The following MAP7D1 variants were observed in gnomAD, a reference collection of about 807,000 sequenced individuals.
MAP7D1 encodes the protein MAP7 domain containing 1, also known as MAP7 domain-containing protein 1.
Under a neutral mutation model 97.5 loss-of-function variants are expected in MAP7D1, and 30 were observed. The observed-to-expected ratio is 0.31, with a 90% confidence interval of 0.23 to 0.42. The LOEUF (loss-of-function observed/expected upper bound fraction) is 0.42. MAP7D1 is among the 10% of genes least tolerant of loss of function. The pLI, the probability that MAP7D1 is intolerant of heterozygous loss-of-function variation, is 1.00. For synonymous variants in MAP7D1, 536 were observed against 477.1 expected, an observed-to-expected ratio of 1.12 and a Z score of -1.61; for missense variants, 1,184 against 1,179.5, an observed-to-expected ratio of 1.00 and a Z score of -0.06.
intron 1 of MAP7D1, among the ~76,000 whole-genome samples, chr1:36,166,582 G>T (rs1644477724): frequency 6.6e-6 from 1 of 151,992 alleles, no homozygotes. Context: ...GTACAGACGG[G>T]GTTTCACCGT....
At chr1:36,167,459 T>C (rs1202524663) in intron 1 of MAP7D1, among the ~76,000 whole-genome samples, 3 of 151,972 alleles carry the variant, frequency 2.0e-5, no homozygotes, top group Non-Finnish European at 4.4e-5. Context: ...TGCAGAGCAG[T>C]GGGGGTAAGG....
At chr1:36,157,495 G>C (rs891283519) in intron 1 of MAP7D1, among the ~76,000 whole-genome samples, 2 of 152,218 alleles carry the variant, frequency 1.3e-5, no homozygotes, top group South Asian at 2.1e-4. Flanking sequence ...AGCTGATGAG[G>C]GGGTGGGGAC....
intron 2 of MAP7D1, 43 bp from the exon 3 acceptor site, chr1:36,171,470 G>A (rs1644542257): frequency 6.2e-7 from 1 of 1,608,798 alleles, no homozygotes; most frequent in African/African-American, 1.3e-5. Context: ...CTCCTCTTTG[G>A]GGACAGCCTT....
At chr1:36,170,586 C>G (rs1261912184) in intron 1 of MAP7D1, among the ~76,000 whole-genome samples, 1 of 152,224 alleles carries the variant, frequency 6.6e-6, no homozygotes, top group Non-Finnish European at 1.5e-5. Flanking sequence ...CGCATATACT[C>G]TTCTCTGCCA....
chr1:36,156,455 C>T lies in MAP7D1; in HGVS notation c.38C>T (p.Ala13Val), dbSNP rs745390462. Residue 13 changes from alanine (A) to valine (V), a missense_variant, in exon 1 of 17, where the codon GCA becomes GTA. By Grantham distance (64) the Ala-to-Val change is moderately conservative (BLOSUM62 0). Transcript: ENST00000474796. ...SGPRAELGAG[A>V]PPAVVARTPP... Reference sequence around the variant, plus strand: ...CCGCGTGCGGAGCTGGGGGCGGGCGCACCCCCAGGTATGCCGGGAGCCACG... The same window carrying T: ...CCGCGTGCGGAGCTGGGGGCGGGCGTACCCCCAGGTATGCCGGGAGCCACG... 3.5e-5 allele frequency: 51 copies of T among 1,470,390 alleles called. No individual in the cohort carries two copies. Among genetic ancestry groups the T allele is most frequent in the Admixed American group, 1.3e-4 (5 of 39,660 alleles). 91.1% of individuals were successfully genotyped at this position (1,470,390 alleles called of 1,614,324 possible).
At chr1:36,173,081 G>A (rs535907079) in intron 4 of MAP7D1, among the ~76,000 whole-genome samples, 11 of 152,328 alleles carry the variant, frequency 7.2e-5, no homozygotes, top group Non-Finnish European at 1.6e-4. Context: ...CCTTGCCTGG[G>A]AGCCCCAGGT....
chr1:36,172,655 G>A, intron 4 of MAP7D1, 28 bp downstream of exon 4: 1 of 1,526,822 alleles, frequency 6.5e-7, no homozygotes, highest in Non-Finnish European at 8.9e-7. Flanking sequence ...GTGAATCCAT[G>A]TACACGTGTG....
chr1:36,159,680 G>A lies in MAP7D1; in HGVS notation c.46+3217G>A, dbSNP rs565902399. ...TTTTGACTCTTGGGGAGCTCTTAACGCGGCGAGGAAGGCAGATGTGTTCAC... is the reference window on the plus strand; with the variant it reads ...TTTTGACTCTTGGGGAGCTCTTAACACGGCGAGGAAGGCAGATGTGTTCAC... On this transcript the variant is annotated intron_variant, in intron 1 of 16. Transcript: ENST00000474796. The surrounding 1 kb of genome is among the most constrained non-coding windows in gnomAD (Gnocchi z 5.4). Among the ~76,000 whole-genome samples, 3 of 152,330 alleles carry A rather than the reference G, an allele frequency of 2.0e-5. No homozygotes were observed. Among genetic ancestry groups the A allele is most frequent in the African/African-American group, 4.8e-5 (2 of 41,576 alleles).
chr1:36,179,836 G>T, intron 15 of MAP7D1, 38 bp from the exon 16 acceptor site: 2 of 1,584,688 alleles, frequency 1.3e-6, no homozygotes, highest in Non-Finnish European at 1.7e-6. Context: ...GGCTTTCCTG[G>T]GAGGTGAGGT....
intron 4 of MAP7D1, 96 bp from the exon 5 acceptor site, chr1:36,173,268 G>C (rs539824608): frequency 2.4e-6 from 2 of 850,540 alleles, no homozygotes; most frequent in Non-Finnish European, 3.9e-6. Flanking sequence ...GGAAGGGAGT[G>C]GGGGAGGCAT....
chr1:36,163,817 C>CTTTTTT (rs869169250), intron 1 of MAP7D1, among the ~76,000 whole-genome samples: 15 of 86,834 alleles, frequency 1.7e-4, no homozygotes, highest in African/African-American at 5.6e-4. Context: ...TACTTTTTTT[C>CTTTTTT]TTTTTTTTTT....
rs1208767702 is a variant in MAP7D1 at position 36,174,954 on chromosome 1, A to G, written c.796A>G (p.Ile266Val). Residue 266 changes from isoleucine (I) to valine (V), a missense_variant, in exon 6 of 17, where the codon ATC becomes GTC. Ile to Val is a conservative substitution (Grantham distance 29). Transcript: ENST00000474796. The stretch of plus-strand genomic sequence containing the variant: ...CCTGCCCAAACACGTGGACTCTATA[A>G]TCAACAAGCGGCTCTCAAAGTCCTC... ...VNLPKHVDSI[I>V]NKRLSKSSAT... 1.9e-6 allele frequency: 3 copies of G among 1,613,638 alleles called. No individual in the cohort carries two copies. The highest frequency in any genetic ancestry group is 2.5e-6 in the Non-Finnish European group (3 of 1,179,860).
chr1:36,160,822 G>T (rs1324372160), intron 1 of MAP7D1, among the ~76,000 whole-genome samples: 1 of 152,210 alleles, frequency 6.6e-6, no homozygotes, highest in African/African-American at 2.4e-5. Flanking sequence ...CAGAGCCCAG[G>T]GTCCTCTGGG....
At chr1:36,156,543 G>A (rs1644332142) in intron 1 of MAP7D1, 80 bp downstream of exon 1, 2 of 1,211,962 alleles carry the variant, frequency 1.7e-6, no homozygotes, top group African/African-American at 1.6e-5. Flanking sequence ...CCGGCCGGCT[G>A]GGCGGGGACC....
In MAP7D1 at chr1:36,179,335, G is replaced by T. The variant is rs1345434498; in HGVS notation, c.2184+20G>T. On this transcript the variant is annotated intron_variant, in intron 13 of 16. Transcript: ENST00000474796. ...ACCAAGGTCAGAATTCCCCCGAAGGGCAGTGCTGGGCGTGGGGGGCAGGGT... is the reference window on the plus strand; with the variant it reads ...ACCAAGGTCAGAATTCCCCCGAAGGTCAGTGCTGGGCGTGGGGGGCAGGGT... 3 of 1,613,766 alleles carry T rather than the reference G, an allele frequency of 1.9e-6. No homozygotes were observed. The highest frequency in any genetic ancestry group is 2.5e-6 in the Non-Finnish European group (3 of 1,179,770).
rs1644326349 is a variant in MAP7D1, at chr1:36,156,272, C to T, written c.-146C>T. ...GAGACTCGCGGGCCACCTGCCTCGA[C>T]CTTCCCCGGAGCGCCCCCGCCTCCG... On this transcript the variant is annotated 5_prime_UTR_variant, in exon 1 of 17. Transcript: ENST00000474796. 3.5e-6 allele frequency: 2 copies of T among 569,782 alleles called. No homozygotes were observed. Among genetic ancestry groups the T allele is most frequent in the East Asian group, 7.1e-5 (2 of 28,238 alleles). 35.3% of individuals were successfully genotyped at this position (569,782 alleles called of 1,614,324 possible).
intron 1 of MAP7D1, among the ~76,000 whole-genome samples, chr1:36,158,416 C>T (rs1644365947): frequency 6.6e-6 from 1 of 152,142 alleles, no homozygotes; most frequent in African/African-American, 2.4e-5. Context: ...GACACGAACC[C>T]TGCTCCCTCT....
In MAP7D1 at chr1:36,178,935, A is replaced by C. The variant is rs1343261024; in HGVS notation, c.2040A>C (p.Glu680Asp). 1 of 1,556,236 alleles carries C rather than the reference A, an allele frequency of 6.4e-7. No individual in the cohort carries two copies. The highest frequency in any genetic ancestry group is 1.9e-5 in the Admixed American group (1 of 51,470). ...GTCTTTGGCAGAAAGAGGAGGCCGAAGCTCGGTCGCGGGAAGAGGCGGAGC... is the reference window on the plus strand; with the variant it reads ...GTCTTTGGCAGAAAGAGGAGGCCGACGCTCGGTCGCGGGAAGAGGCGGAGC... ...ERLQKQKEEA[E>D]ARSREEAERQ... Residue 680 changes from glutamate to aspartate, a missense_variant, in exon 12 of 17, where the codon GAA becomes GAC. Transcript: ENST00000474796.
Position 36,158,494 on chromosome 1 carries a change from G to A in MAP7D1, c.46+2031G>A, listed in dbSNP as rs114222132. ...GGTGTGGAGTAGAGGACAAGTGTGG[G>A]GACCACTTTCAGGTCAGAAAACCTG... On this transcript the variant is annotated intron_variant, in intron 1 of 16. Transcript: ENST00000474796. 6.3e-3 allele frequency among the ~76,000 whole-genome samples: 954 copies of A among 152,256 alleles called. 13 individuals are homozygous for A. The highest frequency in any genetic ancestry group is 0.022 in the African/African-American group (913 of 41,522).
Sources: gnomAD v4.1 joint callset for allele counts (sites outside exome capture counted in the v4.1 genomes callset) on GRCh38, gnomAD v4.1.1 for gene constraint, Gnocchi (gnomAD v3.1) non-coding constraint, MANE v1.5 for transcripts, NCBI Gene and HGNC (gene_info 2026-07-23, HGNC 2026-07-21) for gene names.